The following RLF variants were observed in gnomAD, a reference collection of about 807,000 sequenced individuals.
RLF encodes the protein zinc finger protein Rlf.
A neutral mutation model predicts 162.9 loss-of-function variants in RLF; 7 were observed. The observed-to-expected ratio is 0.04, with a 90% CI of 0.02 to 0.08. RLF has a LOEUF of 0.08. Ranked by LOEUF, RLF falls within the 10% of genes least tolerant of loss-of-function variation. RLF has a pLI of 1.00. For synonymous variants in RLF, 782 were observed against 791.5 expected (o/e 0.99, Z 0.20); for missense variants, 1,664 against 2,244.7 (o/e 0.74, Z 5.23).
intron 6 of RLF, among the ~76,000 whole-genome samples, chr1:40,228,109 A>G (rs1005725144): frequency 6.6e-5 from 10 of 150,702 alleles, no homozygotes; most frequent in African/African-American, 2.2e-4. Context: ...ACATGGTGAA[A>G]CCCCATCTCT....
intron 6 of RLF, among the ~76,000 whole-genome samples, chr1:40,231,249 G>A (rs1643148166): frequency 6.6e-6 from 1 of 152,020 alleles, no homozygotes; most frequent in Non-Finnish European, 1.5e-5. Context: ...ATCTAAATAA[G>A]TTTTTTTTAA....
chr1:40,199,351 C>A (rs1245574925), intron 4 of RLF, among the ~76,000 whole-genome samples: 2 of 152,224 alleles, frequency 1.3e-5, no homozygotes, highest in Non-Finnish European at 2.9e-5. Flanking sequence ...ATATCAGAGA[C>A]AATAGTAAGT....
rs1315686425 is a variant in RLF at position 40,239,654 on chromosome 1, A to C, written c.4952A>C (p.Gln1651Pro). The C allele has an allele frequency of 6.2e-7, 1 of 1,614,200 alleles. No homozygotes were observed. Among genetic ancestry groups the C allele is most frequent in the Non-Finnish European group, 8.5e-7 (1 of 1,180,050 alleles). Residue 1651 changes from glutamine to proline, a missense_variant, in exon 8 of 8, where the codon CAG (glutamine) becomes CCG (proline). Coordinates refer to ENST00000372771, the MANE Select transcript of RLF (RefSeq NM_012421.4). ...CCHSSERDGG[Q>P]KGCIESSSVF... ...CATTCAAGTGAAAGGGATGGAGGTC[A>C]GAAAGGGTGCATAGAAAGCAGCTCA...
chr1:40,231,890 A>G (rs1643155569), intron 7 of RLF, among the ~76,000 whole-genome samples: 1 of 152,178 alleles, frequency 6.6e-6, no homozygotes, highest in Non-Finnish European at 1.5e-5. Context: ...CTGTGAATGA[A>G]GTTGTGTCTC....
At chr1:40,215,686 G>T (rs1642916238) in intron 5 of RLF, among the ~76,000 whole-genome samples, 1 of 151,922 alleles carries the variant, frequency 6.6e-6, no homozygotes, top group Admixed American at 6.6e-5. Flanking sequence ...GGCTCACGTG[G>T]TCCTCCCACT....
intron 4 of RLF, among the ~76,000 whole-genome samples, chr1:40,199,799 G>A (rs1392068514): frequency 6.6e-6 from 1 of 152,126 alleles, no homozygotes; most frequent in Non-Finnish European, 1.5e-5. Flanking sequence ...ATAGGATATA[G>A]GGGAGACGTG....
intron 1 of RLF, among the ~76,000 whole-genome samples, chr1:40,167,834 G>T (rs946828517): frequency 6.6e-6 from 1 of 151,396 alleles, no homozygotes; most frequent in Non-Finnish European, 1.5e-5. Flanking sequence ...CTCACTAAAT[G>T]CTTGTTGATC....
In RLF at chr1:40,237,782, T is replaced by C. The variant is rs1157539766; in HGVS notation, c.3080T>C (p.Leu1027Pro). 2 of 1,614,112 alleles carry C rather than the reference T, an allele frequency of 1.2e-6. No individual in the cohort carries two copies. The highest frequency in any genetic ancestry group is 4.5e-5 in the East Asian group (2 of 44,884). The change falls in exon 8 of 8, where the codon CTA becomes CCA. Residue 1027 changes from leucine to proline, a missense_variant. Transcript: ENST00000372771. This position sits in a 1 kb window ranked among gnomAD's most constrained non-coding sequence, Gnocchi z 4.4. ...DTNSDSPDEG[L>P]DHNIHIKCKR... ...AACAGTGACTCCCCAGATGAAGGTC[T>C]AGATCACAATATTCACATTAAATGT...
intron 1 of RLF, among the ~76,000 whole-genome samples, chr1:40,176,651 C>T (rs1642329970): frequency 6.6e-6 from 1 of 152,070 alleles, no homozygotes; most frequent in African/African-American, 2.4e-5. Flanking sequence ...CCACATTGCC[C>T]AGATTGGTCT....
At chr1:40,192,358 G>A (rs979056536) in intron 3 of RLF, among the ~76,000 whole-genome samples, 2 of 152,218 alleles carry the variant, frequency 1.3e-5, no homozygotes, top group South Asian at 4.1e-4. Context: ...GAGTAGTTTG[G>A]ATTTTGGAAT....
chr1:40,215,559 T>C (rs1642914882), intron 5 of RLF, among the ~76,000 whole-genome samples: 3 of 151,578 alleles, frequency 2.0e-5, no homozygotes, highest in South Asian at 4.2e-4. Flanking sequence ...AAAAAGAAAT[T>C]AGAGAGTAAG....
chr1:40,164,113 G>A (rs1642134919), intron 1 of RLF, among the ~76,000 whole-genome samples: 1 of 152,186 alleles, frequency 6.6e-6, no homozygotes, highest in Admixed American at 6.5e-5. Flanking sequence ...CGGACTCTAG[G>A]AGAGGAGCAC....
intron 5 of RLF, among the ~76,000 whole-genome samples, chr1:40,216,299 A>T (rs976938708): frequency 6.6e-6 from 1 of 152,192 alleles, no homozygotes; most frequent in Non-Finnish European, 1.5e-5. Context: ...CCTAGCTAAC[A>T]TGGTAAAACC....
At chr1:40,201,600 T>C (rs1642721187) in intron 4 of RLF, among the ~76,000 whole-genome samples, 1 of 130,330 alleles carries the variant, frequency 7.7e-6, no homozygotes, top group African/African-American at 3.0e-5. Context: ...CACTCCAGCC[T>C]GGGTGACAGA....
chr1:40,221,808 G>A (rs150636376), intron 5 of RLF, among the ~76,000 whole-genome samples: 2,022 of 149,936 alleles, frequency 0.013, 23 homozygotes, highest in Non-Finnish European at 0.023. Context: ...GCTGAGGCAG[G>A]AGAATGGCTT....
At chr1:40,225,736 C>G (rs1643062549) in intron 6 of RLF, among the ~76,000 whole-genome samples, 1 of 150,854 alleles carries the variant, frequency 6.6e-6, no homozygotes, top group Non-Finnish European at 1.5e-5. Context: ...ATTAGCCGAC[C>G]TGGTGGCGGG....
At chr1:40,219,546 A>C (rs1396912414) in intron 5 of RLF, among the ~76,000 whole-genome samples, 2 of 152,200 alleles carry the variant, frequency 1.3e-5, no homozygotes, top group Non-Finnish European at 2.9e-5. Context: ...AGCTCAGATA[A>C]GTGGGTGCAA....
chr1:40,230,066 ATGGTGCC>A (rs1367246147), intron 6 of RLF, among the ~76,000 whole-genome samples: 1 of 151,774 alleles, frequency 6.6e-6, no homozygotes, highest in Non-Finnish European at 1.5e-5. Flanking sequence ...GTGAGCCAAG[ATGGTGCC>A]ATTGCACTCC....
chr1:40,228,157 C>T (rs370742221), intron 6 of RLF, among the ~76,000 whole-genome samples: 7 of 150,078 alleles, frequency 4.7e-5, no homozygotes, highest in South Asian at 4.2e-4. Flanking sequence ...TAGTTGCGTG[C>T]GCCTGTAGTC....
Sources: gnomAD v4.1 joint callset for allele counts (sites outside exome capture counted in the v4.1 genomes callset) on GRCh38, gnomAD v4.1.1 for gene constraint, Gnocchi (gnomAD v3.1) non-coding constraint, MANE v1.5 for transcripts, NCBI Gene and HGNC (gene_info 2026-07-23, HGNC 2026-07-21) for gene names.